The following CAMK2D variants were observed in gnomAD, a reference collection of about 807,000 sequenced individuals.
CAMK2D encodes the protein calcium/calmodulin-dependent protein kinase type II subunit delta.
Under a neutral mutation model 84.0 loss-of-function variants are expected in CAMK2D, and 37 were observed. The ratio of observed to expected loss-of-function variants is 0.44; its 90% CI spans 0.34 to 0.58. CAMK2D has a LOEUF of 0.58. Among genes scored for constraint, CAMK2D ranks in the 20% least tolerant of loss-of-function variants. The pLI is 0.02. For synonymous variants in CAMK2D, 202 were observed against 212.5 expected (o/e 0.95, Z 0.43); for missense variants, 448 against 652.5 (o/e 0.69, Z 3.41).
intron 17 of CAMK2D, among the ~76,000 whole-genome samples, chr4:113,463,717 C>G (rs138219982): frequency 1.3e-5 from 2 of 152,268 alleles, no homozygotes; most frequent in Admixed American, 6.5e-5. Context: ...TAATTATGTA[C>G]ATAGTCTTTT....
intron 3 of CAMK2D, among the ~76,000 whole-genome samples, chr4:113,658,092 C>T (rs1368743459): frequency 6.6e-6 from 1 of 152,170 alleles, no homozygotes; most frequent in African/African-American, 2.4e-5. Context: ...ACTTTCCTTA[C>T]ACCCTGGGTC....
At chr4:113,730,100 CT>C in intron 2 of CAMK2D, among the ~76,000 whole-genome samples, 1 of 152,276 alleles carries the variant, frequency 6.6e-6, no homozygotes, top group African/African-American at 2.4e-5. Context: ...AAGACAGAAA[CT>C]CTTTTGTTCA....
chr4:113,548,605 G>C (rs2098601227), intron 5 of CAMK2D: 1 of 868,938 alleles, frequency 1.2e-6, no homozygotes, highest in Non-Finnish European at 1.8e-6. Flanking sequence ...CCTTTCCCCA[G>C]AAAAAAAAAT....
At position 113,453,802 on chromosome 4, in the gene CAMK2D, A is replaced by C. The variant is rs554979007; in HGVS notation, c.*743T>G. 57 of 152,768 alleles carry C rather than the reference A, an allele frequency of 3.7e-4. No homozygotes were observed. The highest frequency in any genetic ancestry group is 1.0e-3 in the Admixed American group (16 of 15,290). 9.5% of individuals were successfully genotyped at this position (152,768 alleles called of 1,614,324 possible). Reference sequence around the variant, plus strand: ...AAAGAAAAGAGATCACAGATTTGAGAAAGAAAAACAATTCAATTCAGCAAA... The same window carrying C: ...AAAGAAAAGAGATCACAGATTTGAGCAAGAAAAACAATTCAATTCAGCAAA... On this transcript the variant is annotated 3_prime_UTR_variant, in exon 21 of 21. Transcript: ENST00000511664.
intron 4 of CAMK2D, among the ~76,000 whole-genome samples, chr4:113,606,102 A>G (rs1300839427): frequency 2.6e-5 from 4 of 152,142 alleles, no homozygotes; most frequent in Non-Finnish European, 5.9e-5. Context: ...AACAAAAGGG[A>G]ATCTTGGCAA....
At chr4:113,701,949 C>T (rs1435324663) in intron 2 of CAMK2D, among the ~76,000 whole-genome samples, 2 of 152,174 alleles carry the variant, frequency 1.3e-5, no homozygotes, top group African/African-American at 4.8e-5. Flanking sequence ...GATCTGCCTT[C>T]CTCGGTCTCC....
intron 3 of CAMK2D, among the ~76,000 whole-genome samples, chr4:113,642,279 G>C (rs17593065): frequency 0.07 from 10,660 of 152,212 alleles, 568 homozygotes; most frequent in East Asian, 0.21. Flanking sequence ...CCTGGATATA[G>C]GAATTATTTA....
intron 2 of CAMK2D, among the ~76,000 whole-genome samples, chr4:113,737,196 T>A (rs2099583263): frequency 1.3e-5 from 2 of 152,048 alleles, no homozygotes; most frequent in African/African-American, 4.8e-5. Context: ...TAAAGACAAA[T>A]CTAAAAAATC....
chr4:113,603,398 T>G (rs1395910077), intron 4 of CAMK2D, among the ~76,000 whole-genome samples: 3 of 112,684 alleles, frequency 2.7e-5, no homozygotes, highest in South Asian at 3.1e-4. Flanking sequence ...GTCCCCAGAG[T>G]GTGATGTTCC....
At chr4:113,478,637 C>T (rs891290102) in intron 16 of CAMK2D, among the ~76,000 whole-genome samples, 1 of 152,076 alleles carries the variant, frequency 6.6e-6, no homozygotes. Flanking sequence ...GGACCATTAA[C>T]CTTTCCAGAG....
At chr4:113,540,300 T>A (rs377687033) in intron 6 of CAMK2D, among the ~76,000 whole-genome samples, 2 of 152,302 alleles carry the variant, frequency 1.3e-5, no homozygotes, top group East Asian at 3.9e-4. Context: ...AAGGGTAGTA[T>A]TTCTCACCTA....
At chr4:113,519,526 A>T (rs1271235982) in intron 8 of CAMK2D, among the ~76,000 whole-genome samples, 2 of 152,194 alleles carry the variant, frequency 1.3e-5, no homozygotes, top group Non-Finnish European at 2.9e-5. Context: ...GACTTAAAAA[A>T]AAAACATATT....
intron 16 of CAMK2D, among the ~76,000 whole-genome samples, chr4:113,474,463 T>TA (rs1160117328): frequency 1.4e-5 from 2 of 145,868 alleles, no homozygotes; most frequent in Non-Finnish European, 3.0e-5. Flanking sequence ...CAATTAGTCA[T>TA]AAAGTTTTAA....
Position 113,761,377 on chromosome 4 carries a change from T to C in CAMK2D, c.-309A>G. The C allele has an allele frequency of 7.6e-7, 1 of 1,315,934 alleles. No individual in the cohort carries two copies. Among genetic ancestry groups the C allele is most frequent in the East Asian group, 3.4e-5 (1 of 29,456 alleles). The allele number at this position is 1,315,934 out of a possible 1,614,324, so 81.5% of individuals were successfully genotyped here. On this transcript the variant is annotated 5_prime_UTR_variant, in exon 1 of 21. Transcript: ENST00000511664. ...AGTCCCTGTCCCCAAATGCAGGGGGTAAAGTACTCAAGAAGAGGGGGCCGG... is the reference window on the plus strand; with the variant it reads ...AGTCCCTGTCCCCAAATGCAGGGGGCAAAGTACTCAAGAAGAGGGGGCCGG...
chr4:113,612,011 T>C (rs2099002398), intron 3 of CAMK2D, among the ~76,000 whole-genome samples: 1 of 152,182 alleles, frequency 6.6e-6, no homozygotes, highest in Non-Finnish European at 1.5e-5. Context: ...TGTCCCACCC[T>C]ACTTCCTTCC....
At chr4:113,459,485 A>G (rs942250947) in intron 18 of CAMK2D, among the ~76,000 whole-genome samples, 1 of 152,142 alleles carries the variant, frequency 6.6e-6, no homozygotes, top group African/African-American at 2.4e-5. Flanking sequence ...TCAGCTTCCT[A>G]AAGTGTTGGG....
chr4:113,525,357 C>G (rs1590716603), intron 8 of CAMK2D, among the ~76,000 whole-genome samples: 3 of 152,156 alleles, frequency 2.0e-5, no homozygotes, highest in African/African-American at 7.2e-5. Context: ...AGAAGAAGCT[C>G]TGTTAGAAAT....
At chr4:113,695,192 T>A (rs1440653108) in intron 2 of CAMK2D, among the ~76,000 whole-genome samples, 1 of 152,048 alleles carries the variant, frequency 6.6e-6, no homozygotes, top group South Asian at 2.1e-4. Context: ...GCCTTGGAAT[T>A]TGTGGGATGG....
chr4:113,755,173 T>TATATACACACACAC (rs71582195), intron 2 of CAMK2D: 2 of 163,434 alleles, frequency 1.2e-5, no homozygotes, highest in African/African-American at 5.4e-5. Context: ...TACTTAGGGA[T>TATATACACACACAC]ACACACACAC....
Sources: gnomAD v4.1 joint callset for allele counts (sites outside exome capture counted in the v4.1 genomes callset) on GRCh38, gnomAD v4.1.1 for gene constraint, MANE v1.5 for transcripts, NCBI Gene and HGNC (gene_info 2026-07-23, HGNC 2026-07-21) for gene names.